The following ROR2 variants were observed in gnomAD, a reference collection of about 807,000 sequenced individuals.
ROR2 encodes the protein ROR family WNT receptor 2.
A neutral mutation model predicts 74.9 loss-of-function variants in ROR2; 33 were observed. The ratio of observed to expected loss-of-function variants is 0.44; its 90% CI spans 0.33 to 0.59. The LOEUF is 0.59. Among genes scored for constraint, ROR2 ranks in the 20% least tolerant of loss-of-function variants. ROR2 has a pLI of 0.02. For missense variants in ROR2, 1,216 were observed against 1,313.8 expected (o/e 0.93, Z 1.15); for synonymous variants, 586 against 558.7 (o/e 1.05, Z -0.69).
At chr9:91,766,492 G>C (rs1237784487) in intron 2 of ROR2, among the ~76,000 whole-genome samples, 1 of 152,182 alleles carries the variant, frequency 6.6e-6, no homozygotes, top group Non-Finnish European at 1.5e-5. Flanking sequence ...TGGGAGGGCT[G>C]CCAAATGAGT....
Position 91,731,014 on chromosome 9 carries a change from C to G in ROR2, c.1079G>C (p.Gly360Ala), listed in dbSNP as rs200058508. The stretch of plus-strand genomic sequence containing the variant: ...GGGGTTCCGGCAGTAGGCGTGCCCC[C>G]CTCCAAGCTCAGGGAAGTCTGTGCT... ...LSSTDFPELG[G>A]GHAYCRNPGG... Residue 360 changes from glycine to alanine, a missense_variant, in exon 7 of 9, where the codon GGG becomes GCG. By Grantham distance (60) the Gly-to-Ala change is moderately conservative. Coordinates refer to ENST00000375708, the MANE Select transcript of ROR2 (RefSeq NM_004560.4). The G allele has an allele frequency of 7.4e-6, 12 of 1,614,056 alleles. No homozygotes were observed. Among genetic ancestry groups the G allele is most frequent in the African/African-American group, 6.7e-5 (5 of 74,914 alleles).
Position 91,828,194 on chromosome 9 carries a change from T to C in ROR2, c.98-52376A>G, listed in dbSNP as rs140491880. 2.4e-3 allele frequency among the ~76,000 whole-genome samples: 366 copies of C among 152,362 alleles called. 1 individual carries two copies. Among genetic ancestry groups the C allele is most frequent in the African/African-American group, 8.2e-3 (342 of 41,582 alleles). ...AATTTCATTATTCTTACATACTTTC[T>C]TATTGTTTGGTGAAGTTTTTAGGTA... On this transcript the variant is annotated intron_variant, in intron 1 of 8. Transcript: ENST00000375708.
chr9:91,788,465 T>C (rs1247234428), intron 1 of ROR2, among the ~76,000 whole-genome samples: 2 of 151,572 alleles, frequency 1.3e-5, no homozygotes, highest in East Asian at 3.9e-4. Context: ...GTTTATCTCA[T>C]AAAAGGGATC....
rs977718690 is a variant in ROR2, at chr9:91,722,633, G to A, written c.*1029C>T. The A allele has an allele frequency of 1.0e-5, 8 of 779,742 alleles. No individual in the cohort carries two copies. The highest frequency in any genetic ancestry group is 1.7e-5 in the Non-Finnish European group (7 of 417,974). The allele number at this position is 779,742 out of a possible 1,614,324, so 48.3% of individuals were successfully genotyped here. Reference sequence around the variant, plus strand: ...TTTCACTTTATTGGATACACCGGGTGTGGGATTTACAAATAGGACCAACAA... The same window carrying A: ...TTTCACTTTATTGGATACACCGGGTATGGGATTTACAAATAGGACCAACAA... On this transcript the variant is annotated 3_prime_UTR_variant, in exon 9 of 9. Transcript: ENST00000375708.
chr9:91,819,610 T>C (rs1309206307), intron 1 of ROR2, among the ~76,000 whole-genome samples: 1 of 151,798 alleles, frequency 6.6e-6, no homozygotes, highest in African/African-American at 2.4e-5. Flanking sequence ...TCTGTGTTTG[T>C]CTGTCTTTGA....
intron 1 of ROR2, among the ~76,000 whole-genome samples, chr9:91,919,301 G>A (rs903382927): frequency 3.3e-5 from 5 of 152,194 alleles, no homozygotes; most frequent in Admixed American, 1.3e-4. Context: ...GAGCTCAAAC[G>A]TAAAATATGG....
At chr9:91,849,169 G>A (rs983760252) in intron 1 of ROR2, among the ~76,000 whole-genome samples, 9 of 152,114 alleles carry the variant, frequency 5.9e-5, no homozygotes, top group African/African-American at 2.2e-4. Flanking sequence ...TTTCTTGAGT[G>A]GTTTTGTAAT....
At chr9:91,915,903 C>T (rs1032055711) in intron 1 of ROR2, among the ~76,000 whole-genome samples, 4 of 152,186 alleles carry the variant, frequency 2.6e-5, no homozygotes, top group Admixed American at 2.0e-4. Context: ...TTCTCCAAGT[C>T]CTCACCCCGC....
At chr9:91,861,036 G>A (rs921433630) in intron 1 of ROR2, among the ~76,000 whole-genome samples, 8 of 152,050 alleles carry the variant, frequency 5.3e-5, no homozygotes, top group African/African-American at 1.9e-4. Flanking sequence ...TACTTAGGAA[G>A]AAATTTAATC....
chr9:91,872,870 T>C lies in ROR2; in HGVS notation c.97+76997A>G, dbSNP rs534645585. Among the ~76,000 whole-genome samples the C allele has an allele frequency of 3.2e-4, 49 of 152,296 alleles. 1 individual carries two copies. In the South Asian group the frequency reaches 9.9e-3, roughly 31 times the overall value. The stretch of plus-strand genomic sequence containing the variant: ...AAAGTAAAGGCACCCTGGTGTGTTT[T>C]GCATCAATCTATGGAACCAGGAACC... On this transcript the variant is annotated intron_variant, in intron 1 of 8. Coordinates refer to ENST00000375708, the MANE Select transcript of ROR2 (RefSeq NM_004560.4).
chr9:91,820,902 G>A (rs1828120946), intron 1 of ROR2, among the ~76,000 whole-genome samples: 2 of 152,106 alleles, frequency 1.3e-5, no homozygotes, highest in African/African-American at 2.4e-5. Flanking sequence ...AGGAGTTCAA[G>A]ACCAGCCTGG....
At chr9:91,755,303 C>A (rs141853400) in intron 4 of ROR2, among the ~76,000 whole-genome samples, 7 of 152,352 alleles carry the variant, frequency 4.6e-5, no homozygotes, top group African/African-American at 1.7e-4. Flanking sequence ...AATCAGCCAA[C>A]ACTGCACACT....
At chr9:91,947,983 G>C (rs189973873) in intron 1 of ROR2, among the ~76,000 whole-genome samples, 352 of 148,084 alleles carry the variant, frequency 2.4e-3, no homozygotes, top group African/African-American at 8.5e-3. Flanking sequence ...CTCCTATAAA[G>C]ATTATGAGTA....
At chr9:91,731,642 G>A (rs1472026908) in intron 6 of ROR2, among the ~76,000 whole-genome samples, 2 of 152,308 alleles carry the variant, frequency 1.3e-5, no homozygotes, top group Middle Eastern at 3.4e-3. Flanking sequence ...TGTGTGGGGC[G>A]CTGCTCTAAA....
chr9:91,948,889 G>A (rs997326867), intron 1 of ROR2: 6 of 985,286 alleles, frequency 6.1e-6, no homozygotes, highest in Non-Finnish European at 7.2e-6. Flanking sequence ...CGAGGCGCGC[G>A]GGCGGGAGGT....
At chr9:91,914,056 C>T (rs563950180) in intron 1 of ROR2, among the ~76,000 whole-genome samples, 13 of 151,506 alleles carry the variant, frequency 8.6e-5, no homozygotes, top group Non-Finnish European at 1.6e-4. Context: ...CTCTTGCCAA[C>T]CAAAAAAAAA....
intron 2 of ROR2, among the ~76,000 whole-genome samples, chr9:91,771,441 C>T (rs1826223755): frequency 6.6e-6 from 1 of 152,196 alleles, no homozygotes; most frequent in Admixed American, 6.5e-5. Context: ...CTGTAAGTAA[C>T]AGAATGATAA....
intron 3 of ROR2, among the ~76,000 whole-genome samples, chr9:91,757,060 G>A (rs1481795580): frequency 7.2e-5 from 11 of 152,186 alleles, no homozygotes; most frequent in East Asian, 5.8e-4. Flanking sequence ...GTGAGCCACC[G>A]TGCCTCGCCC....
At chr9:91,860,031 G>A (rs1829422961) in intron 1 of ROR2, among the ~76,000 whole-genome samples, 2 of 152,200 alleles carry the variant, frequency 1.3e-5, no homozygotes, top group South Asian at 4.1e-4. Flanking sequence ...ACAAGCACAG[G>A]CAGGGGCCTC....
Sources: allele counts gnomAD v4.1 joint callset (sites outside exome capture counted in the v4.1 genomes callset), GRCh38; gene constraint gnomAD v4.1.1; transcripts MANE v1.5; gene names NCBI Gene and HGNC (gene_info 2026-07-23, HGNC 2026-07-21).